NKAIN2: variants seen among roughly 807,000 people sequenced by gnomAD.
NKAIN2 encodes the protein sodium/potassium-transporting ATPase subunit beta-1-interacting protein 2.
NKAIN2 carries 14 observed loss-of-function variants against 32.6 expected under a neutral mutation model. That is an observed-to-expected ratio of 0.43 (90% CI 0.28 to 0.67). NKAIN2 has a LOEUF of 0.67. Ranked by LOEUF, NKAIN2 falls within the 30% of genes least tolerant of loss-of-function variation. The pLI is 0.17. For synonymous variants in NKAIN2, 80 were observed against 87.2 expected (o/e 0.92, Z 0.46); for missense variants, 198 against 258.3 (o/e 0.77, Z 1.60).
intron 5 of NKAIN2, among the ~76,000 whole-genome samples, chr6:124,815,240 ATGTATATATG>A (rs1174483633): frequency 5.0e-5 from 6 of 119,164 alleles, no homozygotes; most frequent in Admixed American, 3.5e-4. Flanking sequence ...ATATATATAT[ATGTATATATG>A]TATATATATA....
intron 1 of NKAIN2, among the ~76,000 whole-genome samples, chr6:124,096,644 GGAGATC>G (rs747626557): frequency 2.0e-5 from 3 of 151,984 alleles, no homozygotes; most frequent in Non-Finnish European, 2.9e-5. Context: ...TGTTATTAAA[GGAGATC>G]GAGACCATCT....
chr6:124,546,287 C>G (rs568629320), intron 3 of NKAIN2, among the ~76,000 whole-genome samples: 1 of 152,196 alleles, frequency 6.6e-6, no homozygotes, highest in South Asian at 2.1e-4. Context: ...AGTTCCCAAA[C>G]ATGGAAAGCA....
At chr6:124,334,319 C>T (rs544590973) in intron 2 of NKAIN2, among the ~76,000 whole-genome samples, 30 of 152,274 alleles carry the variant, frequency 2.0e-4, no homozygotes, top group African/African-American at 7.0e-4. Flanking sequence ...GTTCTCCTTG[C>T]CTGCTCCCCA....
chr6:124,504,582 A>T (rs1778406974), intron 3 of NKAIN2, among the ~76,000 whole-genome samples: 1 of 152,210 alleles, frequency 6.6e-6, no homozygotes, highest in African/African-American at 2.4e-5. Context: ...ACCATTTTAA[A>T]TTATTTTGAG....
intron 1 of NKAIN2, among the ~76,000 whole-genome samples, chr6:124,053,657 T>C (rs1782510473): frequency 1.3e-5 from 2 of 152,060 alleles, no homozygotes; most frequent in Admixed American, 6.6e-5. Context: ...GGAGTGGATT[T>C]GGTCCACTCA....
At chr6:123,992,051 A>G (rs186872296) in intron 1 of NKAIN2, among the ~76,000 whole-genome samples, 287 of 152,302 alleles carry the variant, frequency 1.9e-3, no homozygotes, top group Admixed American at 4.6e-3. Flanking sequence ...AACAAAAACA[A>G]CAAAGAAACT....
intron 1 of NKAIN2, among the ~76,000 whole-genome samples, chr6:123,873,213 A>T (rs1242443731): frequency 4.7e-5 from 7 of 149,784 alleles, no homozygotes. Flanking sequence ...GGAAGAGCTA[A>T]TATATATAAT....
intron 1 of NKAIN2, among the ~76,000 whole-genome samples, chr6:124,258,131 T>C: frequency 7.7e-6 from 1 of 130,646 alleles, no homozygotes; most frequent in Non-Finnish European, 1.5e-5. Flanking sequence ...TGTTTTACTC[T>C]TTTTCAAGAT....
intron 1 of NKAIN2, among the ~76,000 whole-genome samples, chr6:124,052,176 C>CATGGT (rs1562330200): frequency 2.0e-5 from 3 of 151,968 alleles, no homozygotes; most frequent in African/African-American, 7.2e-5. Context: ...GTTACTCTGA[C>CATGGT]CATGTTATAG....
chr6:123,883,371 T>C (rs1406581288), intron 1 of NKAIN2, among the ~76,000 whole-genome samples: 1 of 152,096 alleles, frequency 6.6e-6, no homozygotes, highest in Admixed American at 6.5e-5. Flanking sequence ...GGTCTCGATC[T>C]CCTGACCTCG....
chr6:124,198,191 C>T (rs907981753), intron 1 of NKAIN2, among the ~76,000 whole-genome samples: 5 of 151,964 alleles, frequency 3.3e-5, no homozygotes, highest in Non-Finnish European at 7.4e-5. Flanking sequence ...GGAGAGTTTT[C>T]TTAGTATGAA....
intron 1 of NKAIN2, among the ~76,000 whole-genome samples, chr6:123,810,327 TAAAG>T (rs750987407): frequency 1.1e-3 from 170 of 152,216 alleles, no homozygotes; most frequent in Non-Finnish European, 5.6e-4. Context: ...TTTTTTTTCT[TAAAG>T]AAAGTAAGTA....
intron 4 of NKAIN2, among the ~76,000 whole-genome samples, chr6:124,713,698 G>C (rs933376546): frequency 2.0e-5 from 3 of 152,140 alleles, no homozygotes; most frequent in Non-Finnish European, 4.4e-5. Flanking sequence ...TCACATGTTA[G>C]AAAAGCAGTC....
At chr6:123,852,578 T>A (rs78233753) in intron 1 of NKAIN2, among the ~76,000 whole-genome samples, 12,054 of 152,246 alleles carry the variant, frequency 0.079, 660 homozygotes, top group African/African-American at 0.16. Flanking sequence ...TGCAGCATTA[T>A]TCACAATAGC....
At chr6:124,753,258 T>G (rs1227325780) in intron 4 of NKAIN2, among the ~76,000 whole-genome samples, 1 of 152,168 alleles carries the variant, frequency 6.6e-6, no homozygotes, top group Non-Finnish European at 1.5e-5. Context: ...TCACCTTGTC[T>G]GCAGAGCAAA....
intron 1 of NKAIN2, among the ~76,000 whole-genome samples, chr6:124,012,577 G>A (rs1376343974): frequency 1.3e-5 from 2 of 151,810 alleles, no homozygotes; most frequent in African/African-American, 4.8e-5. Context: ...CTTGTGATCC[G>A]CCCACCTCGG....
At chr6:124,789,703 G>A (rs1312841164) in intron 4 of NKAIN2, among the ~76,000 whole-genome samples, 1 of 151,688 alleles carries the variant, frequency 6.6e-6, no homozygotes, top group African/African-American at 2.4e-5. Context: ...ATTAGTACTC[G>A]GAACTCTAAA....
chr6:124,682,638 A>G (rs1024967270), intron 4 of NKAIN2, among the ~76,000 whole-genome samples: 1 of 152,190 alleles, frequency 6.6e-6, no homozygotes, highest in Admixed American at 6.5e-5. Flanking sequence ...AATATTTGTG[A>G]TAAAATACAA....
At chr6:124,636,221 A>G (rs1428278635) in intron 3 of NKAIN2, among the ~76,000 whole-genome samples, 1 of 151,868 alleles carries the variant, frequency 6.6e-6, no homozygotes, top group Non-Finnish European at 1.5e-5. Flanking sequence ...GAAAAAAAAA[A>G]TCTTGAAACA....
Sources: allele counts gnomAD v4.1 joint callset (sites outside exome capture counted in the v4.1 genomes callset), GRCh38; gene constraint gnomAD v4.1.1; transcripts MANE v1.5; gene names NCBI Gene and HGNC (gene_info 2026-07-23, HGNC 2026-07-21).